PSMD11: variants seen among roughly 807,000 people sequenced by gnomAD.
The protein encoded by PSMD11 is proteasome 26S subunit, non-ATPase 11.
Under a neutral mutation model 62.3 loss-of-function variants are expected in PSMD11, and 5 were observed. The observed-to-expected ratio is 0.08, with a 90% CI of 0.04 to 0.17. The LOEUF (loss-of-function observed/expected upper bound fraction) is 0.17, where lower values mean the gene tolerates loss of function less well. PSMD11 is among the 10% of genes least tolerant of loss of function. PSMD11 has a pLI of 1.00. For missense variants in PSMD11, 310 were observed against 512.9 expected (o/e 0.60, Z 3.82); for synonymous variants, 191 against 191.8 (o/e 1.00, Z 0.03).
chr17:32,477,452 CT>C, intron 8 of PSMD11, 68 bp from the exon 9 acceptor site: 1 of 1,367,012 alleles, frequency 7.3e-7, no homozygotes, highest in South Asian at 1.4e-5. Context: ...CAGCATACTG[CT>C]TATGAGACTT....
At position 32,454,037 on chromosome 17, in the gene PSMD11, CTCTG is replaced by C. The variant is rs1235873718; in HGVS notation, c.194-454_194-451del. 3.3e-5 allele frequency among the ~76,000 whole-genome samples: 5 copies of C among 152,274 alleles called. No individual in the cohort carries two copies. In the South Asian group the frequency reaches 6.2e-4, roughly 19 times the overall value. ...GAAAAAGGAATCTGGAGTAGAAAAT[CTCTG>C]TCTAAGGGGAACAGCTGAAGCAGAC... On this transcript the variant is annotated intron_variant, in intron 2 of 13. Transcript: ENST00000261712.
chr17:32,454,417 G>T (rs922792961), intron 2 of PSMD11, 78 bp from the exon 3 acceptor site: 27 of 1,472,894 alleles, frequency 1.8e-5, no homozygotes, highest in Non-Finnish European at 9.4e-6. Flanking sequence ...TTTTTATGAC[G>T]TTGGGTCAGT....
chr17:32,464,203 T>C, intron 4 of PSMD11, 83 bp downstream of exon 4: 1 of 1,280,770 alleles, frequency 7.8e-7, no homozygotes. Flanking sequence ...TTATCAAAAG[T>C]ATCTTCAGCA....
intron 6 of PSMD11, among the ~76,000 whole-genome samples, chr17:32,470,934 T>C (rs1441936374): frequency 6.6e-6 from 1 of 151,328 alleles, no homozygotes; most frequent in African/African-American, 2.4e-5. Flanking sequence ...AAGTGGGAGG[T>C]TTTTTGAGTA....
intron 3 of PSMD11, among the ~76,000 whole-genome samples, chr17:32,458,308 A>T (rs574669452): frequency 6.6e-6 from 1 of 152,170 alleles, no homozygotes; most frequent in South Asian, 2.1e-4. Context: ...CTATAATACA[A>T]CCTACTGCAA....
intron 6 of PSMD11, among the ~76,000 whole-genome samples, chr17:32,470,866 T>G (rs895952059): frequency 1.3e-5 from 2 of 152,194 alleles, no homozygotes; most frequent in African/African-American, 2.4e-5. Flanking sequence ...GAGCAGATAT[T>G]CCTTGAGGCC....
chr17:32,472,213 A>G (rs1233409333), intron 6 of PSMD11, among the ~76,000 whole-genome samples: 6 of 149,378 alleles, frequency 4.0e-5, no homozygotes, highest in Admixed American at 4.0e-4. Context: ...AGGTTGGTGG[A>G]GTTGACGTAG....
Position 32,463,092 on chromosome 17 carries a change from C to G in PSMD11, c.319-957C>G, listed in dbSNP as rs181333529. 3.4e-4 allele frequency among the ~76,000 whole-genome samples: 52 copies of G among 152,314 alleles called. 1 individual carries two copies. The highest frequency in any genetic ancestry group is 1.2e-3 in the African/African-American group (50 of 41,568). On this transcript the variant is annotated intron_variant, in intron 3 of 13. Transcript: ENST00000261712. Reference sequence around the variant, plus strand: ...ATTTCATTTCTTTTGCTCTTATGCTCTAGTTAGCAACCTTAATATAAAACT... The same window carrying G: ...ATTTCATTTCTTTTGCTCTTATGCTGTAGTTAGCAACCTTAATATAAAACT...
intron 11 of PSMD11, 25 bp from the exon 12 acceptor site, chr17:32,480,121 C>T (rs1280436667): frequency 1.2e-6 from 2 of 1,610,398 alleles, no homozygotes; most frequent in East Asian, 2.2e-5. Context: ...ATACTGGTCC[C>T]TTTAATCATG....
intron 6 of PSMD11, 137 bp downstream of exon 6, chr17:32,469,330 CT>C (rs1597839478): frequency 1.2e-6 from 1 of 864,588 alleles, no homozygotes; most frequent in East Asian, 2.7e-5. Flanking sequence ...AGTTAGAAAG[CT>C]ACCTTTCTAA....
Position 32,477,524 on chromosome 17 carries a change from G to C in PSMD11, c.853G>C (p.Glu285Gln). Residue 285 changes from glutamate (E) to glutamine (Q), a missense_variant, in exon 9 of 14, where the codon GAA becomes CAA. By Grantham distance (29) the Glu-to-Gln change is conservative. Around this residue, in one of 6 missense-constraint regions of PSMD11, gnomAD observed 135 missense variants for 195.4 expected, o/e 0.69. Transcript: ENST00000261712. Reference sequence around the variant, plus strand: ...TGGTTTGTCTCTTTATTCTCAGACAGAAGCATTAAAATGCGTGGCTCAGGC... The same window carrying C: ...TGGTTTGTCTCTTTATTCTCAGACACAAGCATTAAAATGCGTGGCTCAGGC... ...LALRYAGRQTEALKCVAQASK... is the reference protein window; with the variant it reads ...LALRYAGRQTQALKCVAQASK... 6.2e-7 allele frequency: 1 copy of C among 1,603,780 alleles called. No individual in the cohort carries two copies. Among genetic ancestry groups the C allele is most frequent in the Non-Finnish European group, 8.5e-7 (1 of 1,175,620 alleles).
rs758717454 is a variant in PSMD11 at position 32,454,617 on chromosome 17, G to C, written c.316G>C (p.Glu106Gln). ...FLDMEAATGQ[E>Q]VELCLECIEW... Reference sequence around the variant, plus strand: ...TGATATGGAAGCAGCTACAGGGCAGGAGGTAAGTGATATTAATGACAGAAA... The same window carrying C: ...TGATATGGAAGCAGCTACAGGGCAGCAGGTAAGTGATATTAATGACAGAAA... Residue 106 changes from glutamate to glutamine, a missense_variant and splice_region_variant, in exon 3 of 14, where the codon GAG becomes CAG. Glu to Gln is a conservative substitution (Grantham distance 29, BLOSUM62 2). Around this residue, in one of 6 missense-constraint regions of PSMD11, gnomAD observed 3 missense variants for 25.2 expected, o/e 0.12. Coordinates refer to ENST00000261712, the MANE Select transcript of PSMD11 (RefSeq NM_002815.4). The C allele has an allele frequency of 6.2e-7, 1 of 1,610,542 alleles. No individual in the cohort carries two copies. Among genetic ancestry groups the C allele is most frequent in the Non-Finnish European group, 8.5e-7 (1 of 1,179,016 alleles).
intron 12 of PSMD11, 121 bp downstream of exon 12, chr17:32,480,318 C>A: frequency 6.8e-7 from 1 of 1,472,144 alleles, no homozygotes; most frequent in Non-Finnish European, 9.5e-7. Flanking sequence ...GTCCTGGCCC[C>A]TCTTCCCTGT....
chr17:32,474,752 CT>C lies in PSMD11; in HGVS notation c.789-5del, dbSNP rs755359309. ...ATCTGCAGCAATTGACCAAGTATGT[CT>C]TTTTTTCTAGCCCAGAAGATGTCCA... On this transcript the variant is annotated splice_polypyrimidine_tract_variant and intron_variant, in intron 7 of 13. Transcript: ENST00000261712. 1 of 1,613,840 alleles carries C rather than the reference CT, an allele frequency of 6.2e-7. No homozygotes were observed. The highest frequency in any genetic ancestry group is 8.5e-7 in the Non-Finnish European group (1 of 1,179,752).
intron 2 of PSMD11, among the ~76,000 whole-genome samples, chr17:32,448,529 G>A (rs868347580): frequency 2.6e-5 from 4 of 151,504 alleles, no homozygotes; most frequent in Admixed American, 6.6e-5. Flanking sequence ...CACTATGCCC[G>A]GCTAATTTTG....
intron 6 of PSMD11, among the ~76,000 whole-genome samples, chr17:32,473,217 A>G (rs1341906415): frequency 1.3e-5 from 2 of 151,724 alleles, no homozygotes; most frequent in Admixed American, 6.6e-5. Context: ...TCTTGGGCTC[A>G]AGCTATCCTC....
chr17:32,469,096 C>T lies in PSMD11; in HGVS notation c.546C>T (p.Asn182=), dbSNP rs754440535. The part of the protein sequence containing the change: ...LESKTYHALS[N]LPKARAALTS... ...GCAAAACATACCATGCCCTGAGCAA[C>T]CTGCCGAAAGCCCGAGCTGCCTTAA... The change falls in exon 6 of 14, where the codon AAC becomes AAT. Residue 182 remains asparagine (N), a synonymous_variant. Transcript: ENST00000261712. 6.2e-7 allele frequency: 1 copy of T among 1,614,110 alleles called. No individual in the cohort carries two copies. The highest frequency in any genetic ancestry group is 8.5e-7 in the Non-Finnish European group (1 of 1,180,034).
intron 7 of PSMD11, 106 bp downstream of exon 7, chr17:32,474,051 G>A: frequency 1.4e-6 from 2 of 1,391,136 alleles, no homozygotes; most frequent in Non-Finnish European, 2.0e-6. Context: ...TACAGAAACA[G>A]CAGCAGCTGC....
At chr17:32,474,073 C>T in intron 7 of PSMD11, 128 bp downstream of exon 7, 1 of 1,167,452 alleles carries the variant, frequency 8.6e-7, no homozygotes. Context: ...GCCTCTAGGG[C>T]TGGCTAAGGT....
Sources: allele counts gnomAD v4.1 joint callset (sites outside exome capture counted in the v4.1 genomes callset), GRCh38; gene constraint gnomAD v4.1.1; regional missense constraint gnomAD v4.1.1; transcripts MANE v1.5; gene names NCBI Gene and HGNC (gene_info 2026-07-23, HGNC 2026-07-21).